ZC3H18: variants seen among roughly 807,000 people sequenced by gnomAD.
The protein encoded by ZC3H18 is zinc finger CCCH domain-containing protein 18.
In ZC3H18, 8 loss-of-function variants were observed where a neutral mutation model predicts 106.1. The observed-to-expected ratio is 0.08, with a 90% CI of 0.04 to 0.14. The LOEUF is 0.14. Among genes scored for constraint, ZC3H18 ranks in the 10% least tolerant of loss-of-function variants. ZC3H18 has a pLI of 1.00. For missense variants in ZC3H18, 1,318 were observed against 1,278.4 expected, an observed-to-expected ratio of 1.03 and a Z score of -0.47; for synonymous variants, 635 against 522.1, an observed-to-expected ratio of 1.22 and a Z score of -2.95.
At chr16:88,617,193 C>G (rs956962475) in intron 8 of ZC3H18, among the ~76,000 whole-genome samples, 1 of 152,172 alleles carries the variant, frequency 6.6e-6, no homozygotes, top group African/African-American at 2.4e-5. Flanking sequence ...CTCTTACTGC[C>G]TAAGCTGTTT....
chr16:88,575,615 A>T (rs1000708073), intron 1 of ZC3H18, among the ~76,000 whole-genome samples: 1 of 152,076 alleles, frequency 6.6e-6, no homozygotes, highest in Non-Finnish European at 1.5e-5. Flanking sequence ...TGTACTTTCT[A>T]TGAGTTTTTG....
At chr16:88,583,404 C>T (rs909676824) in intron 2 of ZC3H18, among the ~76,000 whole-genome samples, 1 of 152,238 alleles carries the variant, frequency 6.6e-6, no homozygotes, top group African/African-American at 2.4e-5. Context: ...CACGGTGCAG[C>T]ATTTTCCTTC....
At chr16:88,601,647 T>C (rs1482471820) in intron 6 of ZC3H18, among the ~76,000 whole-genome samples, 1 of 152,152 alleles carries the variant, frequency 6.6e-6, no homozygotes, top group Admixed American at 6.5e-5. Flanking sequence ...GTATCTACAC[T>C]GCAGGACCCC....
intron 3 of ZC3H18, among the ~76,000 whole-genome samples, chr16:88,596,754 A>T (rs1294585264): frequency 2.0e-5 from 3 of 152,218 alleles, no homozygotes; most frequent in Non-Finnish European, 2.9e-5. Flanking sequence ...TTGTTTAGTT[A>T]CACACGTGAT....
At chr16:88,605,588 G>A (rs1018455892) in intron 6 of ZC3H18, among the ~76,000 whole-genome samples, 9 of 152,258 alleles carry the variant, frequency 5.9e-5, no homozygotes, top group African/African-American at 2.2e-4. Context: ...AGGTCAGCAC[G>A]ATTTCAACCT....
chr16:88,583,131 G>A (rs536895815), intron 2 of ZC3H18, among the ~76,000 whole-genome samples: 63 of 152,368 alleles, frequency 4.1e-4, no homozygotes, highest in African/African-American at 1.5e-3. Context: ...GCTCCACGCA[G>A]TGGCCCCCTT....
In ZC3H18 at chr16:88,631,723, C is replaced by T. The variant is rs1489121821; in HGVS notation, c.*424C>T. On this transcript the variant is annotated 3_prime_UTR_variant, in exon 18 of 18. Coordinates refer to ENST00000301011, the MANE Select transcript of ZC3H18 (RefSeq NM_144604.4). ...CCTCGCGAACCACTGGTGGCACATC[C>T]TTCTCCTCCCCCGCCCCTGATCACC... is the stretch of plus-strand genomic sequence containing the variant. The T allele has an allele frequency of 2.3e-6, 1 of 427,692 alleles. No homozygotes were observed. The highest frequency in any genetic ancestry group is 4.7e-6 in the Non-Finnish European group (1 of 213,784). The allele number at this position is 427,692 out of a possible 1,614,324, so 26.5% of individuals were successfully genotyped here. A position where few individuals can be genotyped will look rare whatever the true frequency, so the allele number is the denominator to read the frequency against.
At position 88,627,667 on chromosome 16, in the gene ZC3H18, G is replaced by C; in HGVS notation, c.2154G>C (p.Ser718=). ...TCTCCTCAGTGTCCAGTGCTACGTC[G>C]AGCAGCAGCTCTGCACACAGCGTGG... ...SSVSSVSSAT[S]SSSSAHSVDS... is the part of the protein sequence containing the mutation. The change falls in exon 14 of 18, where the codon TCG becomes TCC. Residue 718 remains serine, a synonymous_variant. Transcript: ENST00000301011. The surrounding 1 kb of genome is among the most constrained non-coding windows in gnomAD (Gnocchi z 4.5). The C allele has an allele frequency of 6.2e-7, 1 of 1,612,746 alleles. No homozygotes were observed. Among genetic ancestry groups the C allele is most frequent in the Non-Finnish European group, 8.5e-7 (1 of 1,178,998 alleles).
chr16:88,605,837 A>C (rs1402403464), intron 6 of ZC3H18, among the ~76,000 whole-genome samples: 1 of 152,252 alleles, frequency 6.6e-6, no homozygotes, highest in Non-Finnish European at 1.5e-5. Flanking sequence ...GGCTGTGGGC[A>C]GAAACCACCT....
At chr16:88,576,734 T>G (rs1914775787) in intron 1 of ZC3H18, among the ~76,000 whole-genome samples, 1 of 152,212 alleles carries the variant, frequency 6.6e-6, no homozygotes, top group South Asian at 2.1e-4. Flanking sequence ...TATCTTTAAT[T>G]TCAAAAGTAA....
chr16:88,605,350 C>T (rs1904960426), intron 6 of ZC3H18, among the ~76,000 whole-genome samples: 2 of 152,258 alleles, frequency 1.3e-5, no homozygotes, highest in African/African-American at 2.4e-5. Context: ...CCTGCCTGCA[C>T]TTTCAGTGGC....
chr16:88,577,196 G>A lies in ZC3H18; in HGVS notation c.73G>A (p.Asp25Asn). The A allele has an allele frequency of 6.2e-7, 1 of 1,611,760 alleles. No homozygotes were observed. Among genetic ancestry groups the A allele is most frequent in the South Asian group, 1.1e-5 (1 of 90,778 alleles). The change falls in exon 2 of 18, where the codon GAC becomes AAC. Residue 25 changes from aspartate to asparagine, a missense_variant. Asp to Asn is a conservative substitution (Grantham distance 23). This residue lies in a region of ZC3H18 where 346 missense variants were observed against 269.0 expected (regional missense o/e 1.29). Transcript: ENST00000301011. Reference protein sequence around the residue: ...EDEEQPQGLSDDDILRDSGSD... With the variant: ...EDEEQPQGLSNDDILRDSGSD... ...TGAAGAGCAGCCACAGGGACTCTCG[G>A]ACGATGACATTCTGAGGGACAGCGG...
At chr16:88,587,097 T>G (rs1464927436) in intron 3 of ZC3H18, among the ~76,000 whole-genome samples, 1 of 152,248 alleles carries the variant, frequency 6.6e-6, no homozygotes, top group Non-Finnish European at 1.5e-5. Context: ...CTGCAAGATG[T>G]GTCCGAAGCG....
chr16:88,627,902 C>T lies in ZC3H18; in HGVS notation c.2270-18C>T, dbSNP rs762759849. On this transcript the variant is annotated intron_variant, in intron 14 of 17. Coordinates refer to ENST00000301011, the MANE Select transcript of ZC3H18 (RefSeq NM_144604.4). This position sits in a 1 kb window ranked among gnomAD's most constrained non-coding sequence, Gnocchi z 4.5. ...AAAATCACCAGTACCCCCATGACTG[C>T]GGATTTATCATTGGTAGGAAAATCT... The T allele has an allele frequency of 9.3e-6, 15 of 1,613,738 alleles. No homozygotes were observed. The highest frequency in any genetic ancestry group is 4.0e-5 in the African/African-American group (3 of 75,038).
intron 11 of ZC3H18, 71 bp downstream of exon 11, chr16:88,624,133 T>G: frequency 6.4e-7 from 1 of 1,573,188 alleles, no homozygotes; most frequent in Non-Finnish European, 8.6e-7. Context: ...TCCCTCCGTC[T>G]CTATCTCTCA....
intron 8 of ZC3H18, among the ~76,000 whole-genome samples, chr16:88,616,757 AG>A (rs1376734995): frequency 1.3e-5 from 2 of 152,150 alleles, no homozygotes; most frequent in Non-Finnish European, 2.9e-5. Context: ...AAAATGACAC[AG>A]TTTTACCCAG....
Position 88,631,742 on chromosome 16 carries a change from G to C in ZC3H18, c.*443G>C. On this transcript the variant is annotated 3_prime_UTR_variant, in exon 18 of 18. Coordinates refer to ENST00000301011, the MANE Select transcript of ZC3H18 (RefSeq NM_144604.4). ...CACATCCTTCTCCTCCCCCGCCCCT[G>C]ATCACCCGCCCCCGGATCAGAAATA... 5.1e-6 allele frequency: 2 copies of C among 390,608 alleles called. No homozygotes were observed. The highest frequency in any genetic ancestry group is 3.6e-5 in the South Asian group (2 of 54,896). 24.2% of individuals were successfully genotyped at this position (390,608 alleles called of 1,614,324 possible). A position where few individuals can be genotyped will look rare whatever the true frequency, so the allele number is the denominator to read the frequency against.
intron 6 of ZC3H18, among the ~76,000 whole-genome samples, chr16:88,607,817 C>T (rs1905085222): frequency 6.6e-6 from 1 of 151,936 alleles, no homozygotes; most frequent in African/African-American, 2.4e-5. Context: ...CAGGCGTCTC[C>T]CCATTTATTC....
At chr16:88,587,040 C>T (rs1214570131) in intron 3 of ZC3H18, among the ~76,000 whole-genome samples, 1 of 152,222 alleles carries the variant, frequency 6.6e-6, no homozygotes, top group African/African-American at 2.4e-5. Context: ...ATGTTCTAGA[C>T]ACCAGAATTA....
Sources: gnomAD v4.1 joint callset for allele counts (sites outside exome capture counted in the v4.1 genomes callset) on GRCh38, gnomAD v4.1.1 for gene constraint, gnomAD v4.1.1 regional missense constraint, Gnocchi (gnomAD v3.1) non-coding constraint, MANE v1.5 for transcripts, NCBI Gene and HGNC (gene_info 2026-07-23, HGNC 2026-07-21) for gene names.